ZNF133: variants seen among roughly 807,000 people sequenced by gnomAD.
ZNF133 encodes zinc finger protein 133 (clone pHZ-13).
ZNF133 carries 26 observed loss-of-function variants against 54.9 expected under a neutral mutation model. The observed-to-expected ratio is 0.47, with a 90% confidence interval of 0.35 to 0.66. ZNF133 has a LOEUF of 0.66. Among genes scored for constraint, ZNF133 ranks in the 30% least tolerant of loss-of-function variants. The pLI is 0.01. For synonymous variants in ZNF133, 298 were observed against 320.3 expected (o/e 0.93, Z 0.74); for missense variants, 653 against 820.8 (o/e 0.80, Z 2.50).
intron 3 of ZNF133, among the ~76,000 whole-genome samples, chr20:18,299,150 T>C (rs1248878617): frequency 1.3e-5 from 2 of 152,054 alleles, no homozygotes; most frequent in African/African-American, 4.8e-5. Flanking sequence ...GTGTACTTAC[T>C]AAACAAAGAC....
In ZNF133 at chr20:18,307,383, C is replaced by T. The variant is rs552728116; in HGVS notation, c.217+990C>T. On this transcript the variant is annotated intron_variant, in intron 6 of 6. Coordinates refer to ENST00000425686, the MANE Select transcript of ZNF133 (RefSeq NM_001352452.2). ...TACCTTCATTCTTGAAGTGTATCTT[C>T]GCTCGATGTAGAATTCTACATTGGT... is the stretch of plus-strand genomic sequence containing the variant. Among the ~76,000 whole-genome samples the T allele has an allele frequency of 9.9e-5, 15 of 152,260 alleles. No homozygotes were observed. The East Asian group carries it at 1.2e-3, about 12-fold the overall frequency.
intron 6 of ZNF133, among the ~76,000 whole-genome samples, chr20:18,311,680 ATTT>A (rs199964032): frequency 1.3e-5 from 2 of 152,198 alleles, no homozygotes; most frequent in Non-Finnish European, 2.9e-5. Context: ...TTGTTTTTGA[ATTT>A]TTTAACAAAA....
chr20:18,300,025 A>T (rs933601827), intron 3 of ZNF133, among the ~76,000 whole-genome samples: 3 of 152,198 alleles, frequency 2.0e-5, no homozygotes, highest in African/African-American at 7.2e-5. Flanking sequence ...TCTCCATTAA[A>T]GGTTAATACA....
At chr20:18,299,001 C>G (rs192053724) in intron 3 of ZNF133, among the ~76,000 whole-genome samples, 207 of 152,126 alleles carry the variant, frequency 1.4e-3, no homozygotes, top group African/African-American at 4.9e-3. Flanking sequence ...GAGACTCTAA[C>G]AGAGTTGCTG....
chr20:18,291,752 G>A (rs535755857), intron 1 of ZNF133, among the ~76,000 whole-genome samples: 3 of 144,598 alleles, frequency 2.1e-5, no homozygotes, highest in East Asian at 2.0e-4. Flanking sequence ...TCGCTCTATC[G>A]CCCAGGCTGG....
intron 6 of ZNF133, among the ~76,000 whole-genome samples, chr20:18,309,871 T>A (rs530499799): frequency 2.0e-5 from 3 of 152,112 alleles, no homozygotes; most frequent in Non-Finnish European, 4.4e-5. Flanking sequence ...ACAAAAATCT[T>A]CCTCTCAAGG....
intron 3 of ZNF133, among the ~76,000 whole-genome samples, chr20:18,304,300 T>C (rs1262725089): frequency 6.6e-6 from 1 of 152,200 alleles, no homozygotes; most frequent in East Asian, 1.9e-4. Context: ...ACAGAACCCT[T>C]GTGCATTGCG....
intron 3 of ZNF133, among the ~76,000 whole-genome samples, chr20:18,301,590 T>C (rs2043366966): frequency 6.6e-6 from 1 of 152,236 alleles, no homozygotes; most frequent in Non-Finnish European, 1.5e-5. Flanking sequence ...ACATTACTAT[T>C]GTTTCTACAG....
At chr20:18,296,676 C>T (rs73116214) in intron 1 of ZNF133, among the ~76,000 whole-genome samples, 6,818 of 152,236 alleles carry the variant, frequency 0.045, 268 homozygotes, top group Non-Finnish European at 0.066. Context: ...TTGTAAGCAA[C>T]GCTTGGGTTG....
intron 3 of ZNF133, among the ~76,000 whole-genome samples, chr20:18,304,677 C>T (rs905753496): frequency 7.2e-5 from 11 of 152,084 alleles, no homozygotes; most frequent in African/African-American, 2.7e-4. Context: ...ATAGAATAAC[C>T]ACATATATAA....
In ZNF133 at chr20:18,305,294, T is replaced by C; in HGVS notation, c.-7+116T>C. 1 of 769,988 alleles carries C rather than the reference T, an allele frequency of 1.3e-6. No individual in the cohort carries two copies. The highest frequency in any genetic ancestry group is 1.6e-6 in the Non-Finnish European group (1 of 628,378). The allele number at this position is 769,988 out of a possible 1,614,324, so 47.7% of individuals were successfully genotyped here. On this transcript the variant is annotated intron_variant, in intron 4 of 6. Coordinates refer to ENST00000425686, the MANE Select transcript of ZNF133 (RefSeq NM_001352452.2). The surrounding 1 kb of genome is among the most constrained non-coding windows in gnomAD (Gnocchi z 4.7). The stretch of plus-strand genomic sequence containing the variant: ...CATCAGGCCCGAGAAAGCCAAGCCG[T>C]AGGATTTTGAGGAATTACTGAGTTA...
chr20:18,305,609 T>G lies in ZNF133; in HGVS notation c.-6-72T>G. On this transcript the variant is annotated intron_variant, in intron 4 of 6. Coordinates refer to ENST00000425686, the MANE Select transcript of ZNF133 (RefSeq NM_001352452.2). This position sits in a 1 kb window ranked among gnomAD's most constrained non-coding sequence, Gnocchi z 4.7. The stretch of plus-strand genomic sequence containing the variant: ...CTCACCTGCCTCCCCCAGGGCAGCC[T>G]TATCCCTGCCCCTCACCCTGCCATG... The G allele has an allele frequency of 6.2e-7, 1 of 1,609,244 alleles. No homozygotes were observed. The highest frequency in any genetic ancestry group is 8.5e-7 in the Non-Finnish European group (1 of 1,177,686).
intron 6 of ZNF133, chr20:18,306,813 A>C: frequency 8.2e-7 from 1 of 1,220,270 alleles, no homozygotes; most frequent in Non-Finnish European, 1.0e-6. Context: ...TTCTAAAAAA[A>C]ACTGTGAGCT....
intron 1 of ZNF133, among the ~76,000 whole-genome samples, chr20:18,297,045 A>G (rs1463099349): frequency 6.6e-6 from 1 of 152,206 alleles, no homozygotes; most frequent in Admixed American, 6.5e-5. Flanking sequence ...CTCATATCCC[A>G]TAGGCCCTTT....
intron 3 of ZNF133, among the ~76,000 whole-genome samples, chr20:18,302,404 CA>C (rs71194236): frequency 0.54 from 62,144 of 114,512 alleles, 13,827 homozygotes; most frequent in East Asian, 0.79. Flanking sequence ...AACTCTGTCT[CA>C]AAAAAAAAAA....
intron 3 of ZNF133, among the ~76,000 whole-genome samples, chr20:18,304,588 A>C (rs987963163): frequency 6.6e-6 from 1 of 152,254 alleles, no homozygotes; most frequent in Admixed American, 6.5e-5. Flanking sequence ...ATGCTTCTAC[A>C]TGGCTAAATC....
At chr20:18,291,652 C>CT (rs908076261) in intron 1 of ZNF133, among the ~76,000 whole-genome samples, 7 of 151,534 alleles carry the variant, frequency 4.6e-5, no homozygotes, top group African/African-American at 1.5e-4. Context: ...GCCTAGAGCT[C>CT]TGTGTGCAAC....
At chr20:18,292,714 A>C (rs2041323962) in intron 1 of ZNF133, among the ~76,000 whole-genome samples, 2 of 152,100 alleles carry the variant, frequency 1.3e-5, no homozygotes, top group South Asian at 4.1e-4. Context: ...TCTCCTCTAG[A>C]CTTTCATGTC....
intron 1 of ZNF133, among the ~76,000 whole-genome samples, chr20:18,297,208 T>C (rs1435140367): frequency 6.6e-6 from 1 of 152,164 alleles, no homozygotes; most frequent in Non-Finnish European, 1.5e-5. Flanking sequence ...CCTTTTTACT[T>C]CTTATTTCAC....
Sources: allele counts gnomAD v4.1 joint callset (sites outside exome capture counted in the v4.1 genomes callset), GRCh38; gene constraint gnomAD v4.1.1; non-coding constraint Gnocchi (gnomAD v3.1); transcripts MANE v1.5; gene names NCBI Gene and HGNC (gene_info 2026-07-23, HGNC 2026-07-21).